ZNF843: variants seen among roughly 807,000 people sequenced by gnomAD.
ZNF843 encodes the protein zinc finger protein 843.
For missense variants in ZNF843, 482 were observed against 469.4 expected, an observed-to-expected ratio of 1.03 and a Z score of -0.25; for synonymous variants, 185 against 207.7, an observed-to-expected ratio of 0.89 and a Z score of 0.94.
chr16:31,441,335 G>A (rs2082200476), intron 1 of ZNF843, among the ~76,000 whole-genome samples: 1 of 152,168 alleles, frequency 6.6e-6, no homozygotes, highest in Non-Finnish European at 1.5e-5. Flanking sequence ...AAATTATTTT[G>A]CCTGTGCTGC....
At position 31,436,004 on chromosome 16, in the gene ZNF843, C is replaced by T. The variant is rs1426638779; in HGVS notation, c.846G>A (p.Ala282=). The change falls in exon 2 of 2, where the codon GCG becomes GCA. Residue 282 remains alanine, a synonymous_variant. Transcript: ENST00000315678. ...CASAGRDSRE[A]VQAPGYPEPA... is the part of the protein sequence containing the mutation. ...GCTCAGGGTAGCCTGGGGCCTGAAC[C>T]GCCTCCCGCGAGTCCCGTCCCGCGC... The T allele has an allele frequency of 5.3e-6, 8 of 1,522,270 alleles. No homozygotes were observed. In the South Asian group the frequency reaches 1.0e-4, roughly 19 times the overall value. 94.3% of individuals were successfully genotyped at this position (1,522,270 alleles called of 1,614,324 possible).
chr16:31,437,048 G>T lies in ZNF843; in HGVS notation c.-199C>A. The T allele has an allele frequency of 1.7e-6, 1 of 581,030 alleles. No homozygotes were observed. Among genetic ancestry groups the T allele is most frequent in the Non-Finnish European group, 3.1e-6 (1 of 323,136 alleles). The allele number at this position is 581,030 out of a possible 1,614,324, so 36.0% of individuals were successfully genotyped here. A position where few individuals can be genotyped will look rare whatever the true frequency, so the allele number is the denominator to read the frequency against. On this transcript the variant is annotated 5_prime_UTR_variant, in exon 2 of 2. Transcript: ENST00000315678. ...AAGACGCTGGGCAATGTCATCTGAA[G>T]GTGTTTCTTGAGGCTCTCGGGCATG... is the stretch of plus-strand genomic sequence containing the variant.
Position 31,436,640 on chromosome 16 carries a change from G to T in ZNF843, c.210C>A (p.Asp70Glu), listed in dbSNP as rs1224079309. ...GATGAGGTTGGAGCGGCCACAGCAG[G>T]TCTTGCCGCACTGGGGACAGCGACA... is the stretch of plus-strand genomic sequence containing the variant. ...ETLSLSPVRQ[D>E]LLWPLQPHQA... is the part of the protein sequence containing the mutation. Residue 70 changes from aspartate (D) to glutamate (E), a missense_variant, in exon 2 of 2, where the codon GAC (aspartate) becomes GAA (glutamate). By Grantham distance (45) the Asp-to-Glu change is conservative. Coordinates refer to ENST00000315678, the MANE Select transcript of ZNF843 (RefSeq NM_001136509.3). 10 of 1,551,608 alleles carry T rather than the reference G, an allele frequency of 6.4e-6. No homozygotes were observed. Among genetic ancestry groups the T allele is most frequent in the Non-Finnish European group, 7.0e-6 (8 of 1,146,988 alleles).
At position 31,435,907 on chromosome 16, in the gene ZNF843, A is replaced by G. The variant is rs2082177359; in HGVS notation, c.943T>C (p.Cys315Arg). 1 of 1,544,502 alleles carries G rather than the reference A, an allele frequency of 6.5e-7. No individual in the cohort carries two copies. The change falls in exon 2 of 2, where the codon TGC becomes CGC. Residue 315 changes from cysteine (C) to arginine (R), a missense_variant. Cys to Arg is a radical substitution (Grantham distance 180). Coordinates refer to ENST00000315678, the MANE Select transcript of ZNF843 (RefSeq NM_001136509.3). ...TTCGAGGGCGGTGGAGGAGCTCGGC[A>G]CTGTCGCTGAAGCCTGGCCCTGGCC... ...GEARARLQRQ[C>R]RAPPPPSNPH... is the part of the protein sequence containing the mutation.
chr16:31,436,870 C>G lies in ZNF843; in HGVS notation c.-21G>C. 6.6e-7 allele frequency: 1 copy of G among 1,506,408 alleles called. No homozygotes were observed. The highest frequency in any genetic ancestry group is 1.4e-5 in the African/African-American group (1 of 72,064). 93.3% of individuals were successfully genotyped at this position (1,506,408 alleles called of 1,614,324 possible). A position where few individuals can be genotyped will look rare whatever the true frequency, so the allele number is the denominator to read the frequency against. ...CTCATGAGCAGGGCTTCGGAGATGACCGCTCAGGGAGTAACTGTACGGGAG... is the reference window on the plus strand; with the variant it reads ...CTCATGAGCAGGGCTTCGGAGATGAGCGCTCAGGGAGTAACTGTACGGGAG... On this transcript the variant is annotated 5_prime_UTR_variant, in exon 2 of 2. Transcript: ENST00000315678.
In ZNF843 at chr16:31,442,747, C is replaced by T; in HGVS notation, c.-447G>A. On this transcript the variant is annotated 5_prime_UTR_variant, in exon 1 of 2. Coordinates refer to ENST00000315678, the MANE Select transcript of ZNF843 (RefSeq NM_001136509.3). ...CCGAGAGACACGGCGGATCGGAACC[C>T]AGCCGGGCGCGTAGCTCCGGGAAGG... 6.6e-6 allele frequency: 1 copy of T among 152,246 alleles called. No homozygotes were observed. The allele number at this position is 152,246 out of a possible 1,614,324, so 9.4% of individuals were successfully genotyped here.
intron 1 of ZNF843, among the ~76,000 whole-genome samples, chr16:31,440,154 G>GT (rs1314416464): frequency 6.6e-6 from 1 of 152,150 alleles, no homozygotes; most frequent in Non-Finnish European, 1.5e-5. Flanking sequence ...GGCATAGAAA[G>GT]TTTAAGTAAT....
At chr16:31,442,306 TTTA>T (rs2082204157) in intron 1 of ZNF843, among the ~76,000 whole-genome samples, 2 of 14,610 alleles carry the variant, frequency 1.4e-4, no homozygotes, top group Admixed American at 1.4e-3. Context: ...CTCGATTTTA[TTTA>T]TTTATTTATT....
rs1390837871 is a variant in ZNF843, at chr16:31,440,160, G to C, written c.-336+2476C>G. Reference sequence around the variant, plus strand: ...AGAAACTGAGGCATAGAAAGTTTAAGTAATTTAGAAAAGCCATATATACGG... The same window carrying C: ...AGAAACTGAGGCATAGAAAGTTTAACTAATTTAGAAAAGCCATATATACGG... On this transcript the variant is annotated intron_variant, in intron 1 of 1. Transcript: ENST00000315678. 2.0e-5 allele frequency among the ~76,000 whole-genome samples: 3 copies of C among 152,164 alleles called. No individual in the cohort carries two copies. In the South Asian group the frequency reaches 6.2e-4, roughly 32 times the overall value.
At chr16:31,440,351 A>G (rs1207317557) in intron 1 of ZNF843, among the ~76,000 whole-genome samples, 1 of 152,254 alleles carries the variant, frequency 6.6e-6, no homozygotes, top group East Asian at 1.9e-4. Context: ...CAACATGCAT[A>G]TGCATTTTAA....
chr16:31,441,216 G>T (rs1405738708), intron 1 of ZNF843, among the ~76,000 whole-genome samples: 1 of 152,126 alleles, frequency 6.6e-6, no homozygotes, highest in Admixed American at 6.6e-5. Flanking sequence ...CCTACTGAAG[G>T]TGCCCGGCCC....
At chr16:31,441,641 C>G (rs2082201329) in intron 1 of ZNF843, among the ~76,000 whole-genome samples, 1 of 151,698 alleles carries the variant, frequency 6.6e-6, no homozygotes, top group Non-Finnish European at 1.5e-5. Flanking sequence ...ACCACCACAC[C>G]TGGCTAATTT....
chr16:31,438,375 A>G (rs190479449), intron 1 of ZNF843, among the ~76,000 whole-genome samples: 20 of 152,378 alleles, frequency 1.3e-4, no homozygotes, highest in African/African-American at 4.8e-4. Flanking sequence ...AATTTTAACA[A>G]TCAAAGTAGC....
Position 31,436,446 on chromosome 16 carries a change from G to A in ZNF843, c.404C>T (p.Pro135Leu). 6.4e-7 allele frequency: 1 copy of A among 1,551,696 alleles called. No homozygotes were observed. Among genetic ancestry groups the A allele is most frequent in the Non-Finnish European group, 8.7e-7 (1 of 1,146,978 alleles). Residue 135 changes from proline (P) to leucine (L), a missense_variant, in exon 2 of 2, where the codon CCA (proline) becomes CTA (leucine). By Grantham distance (98) the Pro-to-Leu change is moderately conservative (BLOSUM62 -3). Coordinates refer to ENST00000315678, the MANE Select transcript of ZNF843 (RefSeq NM_001136509.3). ...ACACACTCTCCTGTGTGAATTCGCTGGTGGCCGATCAGCTTCCACCGGTCC... is the reference window on the plus strand; with the variant it reads ...ACACACTCTCCTGTGTGAATTCGCTAGTGGCCGATCAGCTTCCACCGGTCC... ...FWGPVEADRP[P>L]ANSHRRVCPF...
intron 1 of ZNF843, among the ~76,000 whole-genome samples, chr16:31,439,904 A>ACT (rs751991434): frequency 2.6e-3 from 392 of 152,368 alleles, no homozygotes; most frequent in Non-Finnish European, 3.0e-3. Flanking sequence ...GTGTCAGCAC[A>ACT]GATAGGCTAA....
Position 31,436,800 on chromosome 16 carries a change from G to C in ZNF843, c.50C>G (p.Ala17Gly). The change falls in exon 2 of 2, where the codon GCT (alanine) becomes GGT (glycine). Residue 17 changes from alanine to glycine, a missense_variant. By Grantham distance (60) the Ala-to-Gly change is moderately conservative. Coordinates refer to ENST00000315678, the MANE Select transcript of ZNF843 (RefSeq NM_001136509.3). ...ALTVESVSAR[A>G]PTCCSTGRFT... ...TCTGCCGGTGCTGCAGCAGGTAGGA[G>C]CTCTGGCTGAAACGCTTTCCACAGT... The C allele has an allele frequency of 1.9e-6, 3 of 1,551,402 alleles. No individual in the cohort carries two copies. The highest frequency in any genetic ancestry group is 2.6e-6 in the Non-Finnish European group (3 of 1,146,820).
chr16:31,436,522 GC>G lies in ZNF843; in HGVS notation c.327del (p.Glu109AspfsTer306). ...AGACGCAGGGCTTCGGCCAGTGTGT[GC>G]TCCTTGGTGAGCCAGCAGCAGAGCT... ...SGQLCCWLTK[E>X]HTLAEALRLS... On this transcript the variant is annotated frameshift_variant, in exon 2 of 2. Coordinates refer to ENST00000315678, the MANE Select transcript of ZNF843 (RefSeq NM_001136509.3). LOFTEE classifies it low-confidence loss of function (END_TRUNC). 6.5e-7 allele frequency: 1 copy of G among 1,550,286 alleles called. No homozygotes were observed. Among genetic ancestry groups the G allele is most frequent in the Non-Finnish European group, 8.7e-7 (1 of 1,145,992 alleles).
chr16:31,435,904 G>C lies in ZNF843; in HGVS notation c.946C>G (p.Arg316Gly). Reference protein sequence around the residue: ...EARARLQRQCRAPPPPSNPHW... With the variant: ...EARARLQRQCGAPPPPSNPHW... ...GGGTTCGAGGGCGGTGGAGGAGCTC[G>C]GCACTGTCGCTGAAGCCTGGCCCTG... Residue 316 changes from arginine to glycine, a missense_variant, in exon 2 of 2, where the codon CGA becomes GGA. Physicochemically the swap from Arg to Gly is moderately radical, Grantham distance 125 (BLOSUM62 -2). Coordinates refer to ENST00000315678, the MANE Select transcript of ZNF843 (RefSeq NM_001136509.3). 6.5e-7 allele frequency: 1 copy of C among 1,544,564 alleles called. No individual in the cohort carries two copies. The highest frequency in any genetic ancestry group is 8.7e-7 in the Non-Finnish European group (1 of 1,143,740).
rs1424956326 is a variant in ZNF843, at chr16:31,436,280, C to T, written c.570G>A (p.Pro190=). Residue 190 remains proline (P), a synonymous_variant, in exon 2 of 2, where the codon CCG becomes CCA. Transcript: ENST00000315678. ...AGGGCCGGAGCCCAGAGGTGCTGTC[C>T]GGGGCGACTGAGCTGGGTGCGAGGC... ...SVSLAPSSVA[P]DSTSGLRPCG... 1 of 1,548,988 alleles carries T rather than the reference C, an allele frequency of 6.5e-7. No homozygotes were observed. The highest frequency in any genetic ancestry group is 8.7e-7 in the Non-Finnish European group (1 of 1,145,572).
Sources: gnomAD v4.1 joint callset for allele counts (sites outside exome capture counted in the v4.1 genomes callset) on GRCh38, gnomAD v4.1.1 for gene constraint, MANE v1.5 for transcripts, NCBI Gene and HGNC (gene_info 2026-07-23, HGNC 2026-07-21) for gene names.